Variants in PADI3 observed in about 807,000 individuals in gnomAD.
The protein encoded by PADI3 is peptidyl arginine deiminase 3.
PADI3 carries 53 observed loss-of-function variants against 71.5 expected under a neutral mutation model. The observed-to-expected ratio is 0.74, with a 90% CI of 0.59 to 0.93. The LOEUF (loss-of-function observed/expected upper bound fraction) is 0.93, where lower values mean the gene tolerates loss of function less well. Ranked by LOEUF, PADI3 falls within the 40% of genes least tolerant of loss-of-function variation. The pLI is 0.00. For synonymous variants in PADI3, 361 were observed against 347.5 expected (o/e 1.04, Z -0.43); for missense variants, 821 against 868.0 (o/e 0.95, Z 0.68).
intron 1 of PADI3, among the ~76,000 whole-genome samples, chr1:17,256,660 G>A (rs1353718687): frequency 6.6e-6 from 1 of 152,220 alleles, no homozygotes; most frequent in Non-Finnish European, 1.5e-5. Context: ...ATACCAGAAG[G>A]ACCATCAAGG....
chr1:17,276,865 AG>A lies in PADI3; in HGVS notation c.1549del (p.Val517LeufsTer39). The A allele has an allele frequency of 6.2e-7, 1 of 1,611,626 alleles. No individual in the cohort carries two copies. The highest frequency in any genetic ancestry group is 1.7e-5 in the Admixed American group (1 of 59,538). On this transcript the variant is annotated frameshift_variant, in exon 13 of 16. Transcript: ENST00000375460. LOFTEE classifies it high-confidence loss of function. ...GGCCACGGGAGGGCCCTCCTGTTCC[AG>A]GGGGTTGTTGGTGGGTAACAGTGCC... ...KCGHGRALLF[Q>X]GVVDDEQVKT...
chr1:17,273,520 G>T, intron 10 of PADI3, 73 bp downstream of exon 10: 1 of 940,964 alleles, frequency 1.1e-6, no homozygotes, highest in Non-Finnish European at 1.7e-6. Flanking sequence ...CGGGGTGTGG[G>T]GTACAGAGGG....
At chr1:17,266,885 G>A (rs2073176639) in intron 5 of PADI3, 49 bp downstream of exon 5, 1 of 1,409,128 alleles carries the variant, frequency 7.1e-7, no homozygotes, top group Non-Finnish European at 1.0e-6. Flanking sequence ...TCACTGCTCA[G>A]TTACCCCATG....
At chr1:17,277,074 G>T (rs1019174741) in intron 13 of PADI3, among the ~76,000 whole-genome samples, 198 bp downstream of exon 13, 3 of 152,242 alleles carry the variant, frequency 2.0e-5, no homozygotes, top group African/African-American at 4.8e-5. Context: ...GAGGTGGGAA[G>T]CGGGGTGATA....
At chr1:17,270,820 C>G in intron 7 of PADI3, 59 bp from the exon 8 acceptor site, 1 of 1,153,058 alleles carries the variant, frequency 8.7e-7, no homozygotes, top group Non-Finnish European at 1.3e-6. Context: ...GAATCAGAGT[C>G]CCCCCAGGCC....
intron 9 of PADI3, 50 bp from the exon 10 acceptor site, chr1:17,273,290 C>A: frequency 7.1e-7 from 1 of 1,416,238 alleles, no homozygotes; most frequent in Non-Finnish European, 9.9e-7. Flanking sequence ...CCAGCAGGGG[C>A]AGCTGTTGAC....
Position 17,259,852 on chromosome 1 carries a change from G to A in PADI3, c.273+94G>A, listed in dbSNP as rs890888787. On this transcript the variant is annotated intron_variant, in intron 2 of 15. Transcript: ENST00000375460. ...AACATTCTCTTTCTCCAGAGCGCAGGGCAACACAGTGGGTAAGTGCCTGGC... is the reference window on the plus strand; with the variant it reads ...AACATTCTCTTTCTCCAGAGCGCAGAGCAACACAGTGGGTAAGTGCCTGGC... 7.1e-6 allele frequency: 8 copies of A among 1,123,950 alleles called. No individual in the cohort carries two copies. The African/African-American group carries it at 9.4e-5, about 13-fold the overall frequency. 69.6% of individuals were successfully genotyped at this position (1,123,950 alleles called of 1,614,324 possible). A position where few individuals can be genotyped will look rare whatever the true frequency, so the allele number is the denominator to read the frequency against.
chr1:17,264,040 T>A (rs2073133486), intron 3 of PADI3, among the ~76,000 whole-genome samples: 1 of 152,236 alleles, frequency 6.6e-6, no homozygotes, highest in Non-Finnish European at 1.5e-5. Flanking sequence ...AGAGAATCTA[T>A]ATTTTTTAAC....
intron 1 of PADI3, among the ~76,000 whole-genome samples, chr1:17,252,864 G>T (rs2072983319): frequency 6.6e-6 from 1 of 152,216 alleles, no homozygotes; most frequent in Non-Finnish European, 1.5e-5. Context: ...GAGTCTGTTG[G>T]GTTGTGGCTG....
At chr1:17,272,109 T>C (rs2073262744) in intron 9 of PADI3, among the ~76,000 whole-genome samples, 1 of 152,132 alleles carries the variant, frequency 6.6e-6, no homozygotes, top group Non-Finnish European at 1.5e-5. Context: ...CCCCCATAAT[T>C]CAGGAGCTCT....
chr1:17,280,382 C>T lies in PADI3; in HGVS notation c.1588C>T (p.Gln530Ter). The T allele has an allele frequency of 6.2e-7, 1 of 1,614,080 alleles. No homozygotes were observed. Among genetic ancestry groups the T allele is most frequent in the Non-Finnish European group, 8.5e-7 (1 of 1,179,908 alleles). The part of the protein sequence containing the change: ...DEQVKTISIN[Q>*]VLSNKDLINY... ...GCAGGTCAAGACCATCTCCATCAAC[C>T]AGGTGCTCTCCAATAAAGACCTCAT... The change falls in exon 14 of 16, where the codon CAG becomes TAG. Residue 530 changes from glutamine (Q) to a stop codon, truncating the protein, a stop_gained. Transcript: ENST00000375460. LOFTEE classifies it high-confidence loss of function.
intron 4 of PADI3, among the ~76,000 whole-genome samples, chr1:17,265,972 G>C (rs2073162840): frequency 6.6e-6 from 1 of 152,186 alleles, no homozygotes; most frequent in Admixed American, 6.5e-5. Context: ...AGACCTTCTG[G>C]ACTCATAAAC....
intron 9 of PADI3, among the ~76,000 whole-genome samples, chr1:17,271,836 C>CAAAAAAAAAAAAA (rs71571852): frequency 8.8e-5 from 7 of 79,420 alleles, no homozygotes; most frequent in Non-Finnish European, 1.2e-4. Context: ...GCAACAACAA[C>CAAAAAAAAAAAAA]AAAAAAAAAA....
chr1:17,271,474 C>T (rs1052739611), intron 9 of PADI3, among the ~76,000 whole-genome samples: 17 of 152,200 alleles, frequency 1.1e-4, no homozygotes, highest in African/African-American at 4.1e-4. Context: ...ACCAGTGGTT[C>T]TCATCAAGAG....
rs530514473 is a variant in PADI3 at position 17,282,327 on chromosome 1, T to C, written c.1762-519T>C. Among the ~76,000 whole-genome samples, 142 of 152,200 alleles carry C rather than the reference T, an allele frequency of 9.3e-4. 1 individual carries two copies. The highest frequency in any genetic ancestry group is 3.3e-3 in the African/African-American group (136 of 41,512). On this transcript the variant is annotated intron_variant, in intron 15 of 15. Coordinates refer to ENST00000375460, the MANE Select transcript of PADI3 (RefSeq NM_016233.2). ...GTCTACATCATTCATTCTCTCTCTT[T>C]CTCTCACCCTCTCCACCTCCTACTT... is the stretch of plus-strand genomic sequence containing the variant.
intron 1 of PADI3, among the ~76,000 whole-genome samples, chr1:17,256,806 G>A (rs1286974950): frequency 6.6e-6 from 1 of 152,150 alleles, no homozygotes; most frequent in Non-Finnish European, 1.5e-5. Flanking sequence ...GCTGAGGCAG[G>A]CGGATCACTT....
chr1:17,261,650 G>A (rs1569887915), intron 2 of PADI3, among the ~76,000 whole-genome samples: 1 of 152,378 alleles, frequency 6.6e-6, no homozygotes, highest in Non-Finnish European at 1.5e-5. Context: ...CTGAGGTAGA[G>A]ACCTATAGAG....
chr1:17,256,734 C>T (rs1205618662), intron 1 of PADI3, among the ~76,000 whole-genome samples: 1 of 152,142 alleles, frequency 6.6e-6, no homozygotes, highest in Non-Finnish European at 1.5e-5. Context: ...GAGGGAGTTC[C>T]ATAAAAAGTG....
chr1:17,259,686 G>A lies in PADI3; in HGVS notation c.201G>A (p.Arg67=), dbSNP rs1255222605. Residue 67 remains arginine (R), a synonymous_variant, in exon 2 of 16, where the codon CGG becomes CGA. Transcript: ENST00000375460. The part of the protein sequence containing the change: ...ERGRERADTR[R]WRFDATLEII... ...GCCGGGAGCGTGCAGACACCAGGCG[G>A]TGGCGCTTTGACGCGACTTTGGAGA... 43 of 1,613,590 alleles carry A rather than the reference G, an allele frequency of 2.7e-5. No individual in the cohort carries two copies. The highest frequency in any genetic ancestry group is 3.6e-5 in the Non-Finnish European group (43 of 1,179,706).
Sources: allele counts gnomAD v4.1 joint callset (sites outside exome capture counted in the v4.1 genomes callset), GRCh38; gene constraint gnomAD v4.1.1; transcripts MANE v1.5; gene names NCBI Gene and HGNC (gene_info 2026-07-23, HGNC 2026-07-21).